Variants in FGF14 observed in about 807,000 individuals in gnomAD.
The protein encoded by FGF14 is fibroblast growth factor homologous factor 4.
FGF14 carries 5 observed loss-of-function variants against 25.5 expected under a neutral mutation model. That is an observed-to-expected ratio of 0.20 (90% CI 0.10 to 0.41). The LOEUF is 0.41. Among genes scored for constraint, FGF14 ranks in the 10% least tolerant of loss-of-function variants. FGF14 has a pLI of 1.00. For missense variants in FGF14, 222 were observed against 320.1 expected (o/e 0.69, Z 2.34); for synonymous variants, 138 against 118.3 (o/e 1.17, Z -1.08).
chr13:102,105,511 T>G (rs2044864616), intron 1 of FGF14, among the ~76,000 whole-genome samples: 2 of 152,224 alleles, frequency 1.3e-5, no homozygotes, highest in Admixed American at 1.3e-4. Context: ...TCATGGAAAT[T>G]CGGAGGCATC....
chr13:102,039,762 G>T lies in FGF14; in HGVS notation c.209-164466C>A, dbSNP rs1284980432. On this transcript the variant is annotated intron_variant, in intron 1 of 4. Coordinates refer to the FGF14 transcript ENST00000376131. ...AGGGACTTCAATATCTCTCTTTAGG[G>T]GATGTAATTCCCTGAAAAGTATCTT... Among the ~76,000 whole-genome samples, 5 of 152,040 alleles carry T rather than the reference G, an allele frequency of 3.3e-5. 1 individual carries two copies. The South Asian group carries it at 1.0e-3, about 32-fold the overall frequency.
intron 1 of FGF14, among the ~76,000 whole-genome samples, chr13:102,126,805 C>G (rs925090879): frequency 1.3e-5 from 2 of 152,150 alleles, no homozygotes; most frequent in African/African-American, 2.4e-5. Context: ...TAATTACCAT[C>G]ATTAGCCACA....
At chr13:102,121,301 T>C (rs2045713831) in intron 1 of FGF14, among the ~76,000 whole-genome samples, 1 of 152,280 alleles carries the variant, frequency 6.6e-6, no homozygotes, top group African/African-American at 2.4e-5. Flanking sequence ...AAAGGGAAGT[T>C]CAAAATATTT....
intron 1 of FGF14, among the ~76,000 whole-genome samples, chr13:102,186,897 A>G (rs964642860): frequency 1.3e-5 from 2 of 152,322 alleles, no homozygotes; most frequent in African/African-American, 4.8e-5. Flanking sequence ...TAGTGCACAT[A>G]CAGGCTCACA....
At position 102,401,687 on chromosome 13, in the gene FGF14, CG is replaced by C. The variant is rs757858509; in HGVS notation, c.-10del. The C allele has an allele frequency of 3.1e-6, 5 of 1,610,460 alleles. No individual in the cohort carries two copies. In the East Asian group the frequency reaches 8.9e-5, roughly 29 times the overall value. On this transcript the variant is annotated 5_prime_UTR_variant, in exon 1 of 5. Coordinates refer to the FGF14 transcript ENST00000376131. ...GGCACCGGTTTTACCATAGGAAAAA[CG>C]ATAATATTCCGGATCTTCTCCCAGT...
upstream of FGF14, chr13:102,401,859 C>A: frequency 1.6e-6 from 1 of 632,880 alleles, no homozygotes; most frequent in Non-Finnish European, 2.8e-6. Context: ...TGAAGCCAAA[C>A]AGAAAAGCAA....
At chr13:102,047,191 A>G (rs1161127725) in intron 1 of FGF14, among the ~76,000 whole-genome samples, 1 of 152,164 alleles carries the variant, frequency 6.6e-6, no homozygotes, top group African/African-American at 2.4e-5. Context: ...ATACATATGG[A>G]CAGCAGGAAA....
intron 1 of FGF14, among the ~76,000 whole-genome samples, chr13:102,347,788 T>A (rs1035476517): frequency 6.6e-6 from 1 of 152,162 alleles, no homozygotes; most frequent in Non-Finnish European, 1.5e-5. Context: ...AGTCTACTTT[T>A]AACCCGAAAT....
At chr13:102,060,595 T>C (rs2042640506) in intron 1 of FGF14, among the ~76,000 whole-genome samples, 1 of 152,238 alleles carries the variant, frequency 6.6e-6, no homozygotes, top group Non-Finnish European at 1.5e-5. Context: ...TTTTGATAGC[T>C]ATCCTCAATG....
intron 3 of FGF14, among the ~76,000 whole-genome samples, chr13:101,765,836 T>G (rs892537667): frequency 4.6e-5 from 7 of 152,162 alleles, no homozygotes; most frequent in Non-Finnish European, 7.3e-5. Context: ...TTCAAGCTTC[T>G]CCTGCCCTCA....
rs1029199244 is a variant in FGF14 at position 101,988,056 on chromosome 13, C to T, written c.209-112760G>A. Among the ~76,000 whole-genome samples the T allele has an allele frequency of 2.0e-5, 3 of 151,938 alleles. No homozygotes were observed. The East Asian group carries it at 5.8e-4, about 29-fold the overall frequency. Reference sequence around the variant, plus strand: ...GCCATATGTAAATCTCTTAGAGACACTGAAGTTTATACAGGAAAATACAAT... The same window carrying T: ...GCCATATGTAAATCTCTTAGAGACATTGAAGTTTATACAGGAAAATACAAT... On this transcript the variant is annotated intron_variant, in intron 1 of 4. Coordinates refer to the FGF14 transcript ENST00000376131.
chr13:101,862,549 T>C (rs1452206969), intron 3 of FGF14, among the ~76,000 whole-genome samples: 1 of 152,166 alleles, frequency 6.6e-6, no homozygotes, highest in East Asian at 1.9e-4. Flanking sequence ...TTATAACTAG[T>C]TAAATGCAGT....
intron 1 of FGF14, among the ~76,000 whole-genome samples, chr13:102,242,002 G>T (rs2141031149): frequency 6.6e-6 from 1 of 152,168 alleles, no homozygotes; most frequent in Admixed American, 6.5e-5. Context: ...GTAATGAAAG[G>T]TACAGTGGCT....
At chr13:101,882,924 A>G (rs1002246917) in intron 1 of FGF14, among the ~76,000 whole-genome samples, 1 of 151,890 alleles carries the variant, frequency 6.6e-6, no homozygotes, top group African/African-American at 2.4e-5. Flanking sequence ...GATGGGAGTG[A>G]TAAAATTTTT....
chr13:101,727,817 C>A (rs7336528), intron 3 of FGF14, among the ~76,000 whole-genome samples: 1 of 151,872 alleles, frequency 6.6e-6, no homozygotes, highest in Non-Finnish European at 1.5e-5. Context: ...AGGTCCAACA[C>A]TGTGCTATTC....
At chr13:102,004,021 A>G (rs917965372) in intron 1 of FGF14, among the ~76,000 whole-genome samples, 3 of 152,020 alleles carry the variant, frequency 2.0e-5, no homozygotes, top group African/African-American at 7.2e-5. Context: ...TGTTATTCCC[A>G]CTGACAGGAA....
Position 102,045,167 on chromosome 13 carries a change from A to G in FGF14, c.209-169871T>C, listed in dbSNP as rs1201685101. The stretch of plus-strand genomic sequence containing the variant: ...TGAAGTTTCAAGAGTTGTCTCAGAC[A>G]CTTCCCATCAAGCATCTATGTGCAC... On this transcript the variant is annotated intron_variant, in intron 1 of 4. Transcript: ENST00000376131. Among the ~76,000 whole-genome samples, 3 of 152,192 alleles carry G rather than the reference A, an allele frequency of 2.0e-5. No individual in the cohort carries two copies. The East Asian group carries it at 5.8e-4, about 29-fold the overall frequency.
At chr13:102,050,552 AAATT>A (rs1006239888) in intron 1 of FGF14, among the ~76,000 whole-genome samples, 11 of 152,210 alleles carry the variant, frequency 7.2e-5, no homozygotes, top group African/African-American at 2.7e-4. Flanking sequence ...TTGAGAAACA[AAATT>A]AATTAATAAA....
intron 1 of FGF14, among the ~76,000 whole-genome samples, chr13:102,143,390 T>C: frequency 6.6e-6 from 1 of 152,162 alleles, no homozygotes; most frequent in Non-Finnish European, 1.5e-5. Context: ...TTATGTAATA[T>C]ATTAAATGCA....
Sources: allele counts gnomAD v4.1 joint callset (sites outside exome capture counted in the v4.1 genomes callset), GRCh38; gene constraint gnomAD v4.1.1; transcripts MANE v1.5; gene names NCBI Gene and HGNC (gene_info 2026-07-23, HGNC 2026-07-21).